The following TM9SF4 variants were observed in gnomAD, a reference collection of about 807,000 sequenced individuals.
The protein encoded by TM9SF4 is transmembrane 9 superfamily member 4.
TM9SF4 carries 26 observed loss-of-function variants against 90.4 expected under a neutral mutation model. The observed-to-expected ratio is 0.29, with a 90% confidence interval of 0.21 to 0.40. The LOEUF (loss-of-function observed/expected upper bound fraction) is 0.40, where lower values mean the gene tolerates loss of function less well. Among genes scored for constraint, TM9SF4 ranks in the 10% least tolerant of loss-of-function variants. The probability of loss-of-function intolerance (pLI) is 1.00; values close to 1 mark genes in which losing one functional copy is unlikely to be tolerated. For missense variants in TM9SF4, 549 were observed against 834.8 expected, an observed-to-expected ratio of 0.66 and a Z score of 4.22; for synonymous variants, 293 against 315.4, an observed-to-expected ratio of 0.93 and a Z score of 0.75.
intron 9 of TM9SF4, among the ~76,000 whole-genome samples, chr20:32,148,922 G>A (rs1009348524): frequency 6.6e-6 from 1 of 151,982 alleles, no homozygotes; most frequent in Non-Finnish European, 1.5e-5. Flanking sequence ...CGCCCGCCTC[G>A]GCCTCCCAAA....
chr20:32,128,064 A>G (rs1360558654), intron 1 of TM9SF4, among the ~76,000 whole-genome samples: 1 of 152,206 alleles, frequency 6.6e-6, no homozygotes, highest in African/African-American at 2.4e-5. Flanking sequence ...CTTCTACCAC[A>G]TGAATCCATC....
intron 17 of TM9SF4, 55 bp from the exon 18 acceptor site, chr20:32,165,240 C>CCA: frequency 6.2e-7 from 1 of 1,604,350 alleles, no homozygotes; most frequent in Non-Finnish European, 8.5e-7. Flanking sequence ...CCCCAGTTCG[C>CCA]CATGCAGCCT....
chr20:32,154,004 T>C (rs902186742), intron 12 of TM9SF4, among the ~76,000 whole-genome samples: 18 of 152,172 alleles, frequency 1.2e-4, no homozygotes, highest in Non-Finnish European at 1.5e-5. Flanking sequence ...AATGGTAGAC[T>C]TTCCTTCCAG....
At chr20:32,118,572 A>G (rs2046259193) in intron 1 of TM9SF4, among the ~76,000 whole-genome samples, 1 of 151,786 alleles carries the variant, frequency 6.6e-6, no homozygotes, top group South Asian at 2.1e-4. Context: ...ATTAGCTACT[A>G]TGCCCAGCCT....
At chr20:32,135,815 C>T (rs2046586967) in intron 2 of TM9SF4, among the ~76,000 whole-genome samples, 1 of 152,130 alleles carries the variant, frequency 6.6e-6, no homozygotes, top group African/African-American at 2.4e-5. Flanking sequence ...AGTGAAATTG[C>T]TGTGTCAAGG....
chr20:32,122,498 C>G (rs1258654034), intron 1 of TM9SF4, among the ~76,000 whole-genome samples: 2 of 150,236 alleles, frequency 1.3e-5, no homozygotes, highest in African/African-American at 4.9e-5. Flanking sequence ...ACGGGGCGGC[C>G]GGGCAGAGAC....
rs769776750 is a variant in TM9SF4, at chr20:32,149,687, G to A, written c.1008G>A (p.Arg336=). ...GWKLVHGDVF[R]PPQYPMILSS... ...AGTTGGTGCACGGCGACGTCTTCAG[G>A]CCCCCCCAGTACCCCATGATCCTCA... Residue 336 remains arginine, a synonymous_variant, in exon 10 of 18, where the codon AGG becomes AGA. Coordinates refer to ENST00000398022, the MANE Select transcript of TM9SF4 (RefSeq NM_014742.4). 3.1e-6 allele frequency: 5 copies of A among 1,614,074 alleles called. No homozygotes were observed. The Admixed American group carries it at 8.3e-5, about 27-fold the overall frequency.
At chr20:32,121,152 A>G (rs969002024) in intron 1 of TM9SF4, among the ~76,000 whole-genome samples, 2 of 151,858 alleles carry the variant, frequency 1.3e-5, no homozygotes, top group African/African-American at 4.8e-5. Context: ...AGACAAGTGA[A>G]AAAAGGCTAT....
chr20:32,130,721 T>G (rs2046497922), intron 1 of TM9SF4, among the ~76,000 whole-genome samples: 1 of 152,236 alleles, frequency 6.6e-6, no homozygotes, highest in South Asian at 2.1e-4. Flanking sequence ...TGTACCAGCA[T>G]AGAATGTCTC....
intron 1 of TM9SF4, chr20:32,116,300 A>C (rs748094592): frequency 4.6e-5 from 7 of 152,244 alleles, no homozygotes; most frequent in Non-Finnish European, 7.3e-5. Context: ...GCTAGCACAG[A>C]GAGGGCACTC....
Position 32,123,866 on chromosome 20 carries a change from A to ATATATATATATTTTTT in TM9SF4, c.16-9146_16-9145insATATATATATTTTTTT. ...CTCTCATATATATATATATATATATATTTTTTTTTTTAAAGAGATAGGGTC... is the reference window on the plus strand; with the variant it reads ...CTCTCATATATATATATATATATATATATATATATATTTTTTTTTTTTTTTTTAAAGAGATAGGGTC... On this transcript the variant is annotated intron_variant, in intron 1 of 17. Coordinates refer to ENST00000398022, the MANE Select transcript of TM9SF4 (RefSeq NM_014742.4). Among the ~76,000 whole-genome samples, 47 of 93,960 alleles carry ATATATATATATTTTTT rather than the reference A, an allele frequency of 5.0e-4. 2 individuals are homozygous for ATATATATATATTTTTT. The highest frequency in any genetic ancestry group is 1.9e-3 in the African/African-American group (42 of 21,986). The allele number at this position is 93,960 out of a possible 152,430, so 61.6% of individuals were successfully genotyped here.
At chr20:32,165,117 C>T (rs1474823688) in intron 17 of TM9SF4, among the ~76,000 whole-genome samples, 178 bp from the exon 18 acceptor site, 4 of 152,168 alleles carry the variant, frequency 2.6e-5, no homozygotes, top group Non-Finnish European at 5.9e-5. Context: ...CAGGCCTGGT[C>T]CAGATGAAGC....
intron 13 of TM9SF4, among the ~76,000 whole-genome samples, chr20:32,156,493 C>T (rs1455073847): frequency 6.6e-6 from 1 of 152,228 alleles, no homozygotes; most frequent in Non-Finnish European, 1.5e-5. Context: ...TGTTTACGTA[C>T]ACACATCCTG....
chr20:32,158,590 C>A, intron 15 of TM9SF4, 76 bp downstream of exon 15: 2 of 1,488,714 alleles, frequency 1.3e-6, no homozygotes, highest in Non-Finnish European at 9.3e-7. Context: ...TGCTCTGCTG[C>A]CTACTGCCTG....
At chr20:32,111,263 A>C (rs764308650) in intron 1 of TM9SF4, among the ~76,000 whole-genome samples, 1 of 152,214 alleles carries the variant, frequency 6.6e-6, no homozygotes, top group South Asian at 2.1e-4. Context: ...ATATGTATAT[A>C]TATTCTGGTA....
chr20:32,138,743 C>T (rs1569076829), intron 3 of TM9SF4, among the ~76,000 whole-genome samples: 1 of 152,218 alleles, frequency 6.6e-6, no homozygotes, highest in Non-Finnish European at 1.5e-5. Flanking sequence ...TTTTAAATAT[C>T]AAGAAGCGAT....
intron 1 of TM9SF4, among the ~76,000 whole-genome samples, chr20:32,120,483 T>G (rs1183941246): frequency 6.6e-6 from 1 of 151,726 alleles, no homozygotes; most frequent in Non-Finnish European, 1.5e-5. Flanking sequence ...GATCTTATAG[T>G]CTGACCTTGG....
In TM9SF4 at chr20:32,149,628, C is replaced by T; in HGVS notation, c.955-6C>T. 1 of 1,614,224 alleles carries T rather than the reference C, an allele frequency of 6.2e-7. No individual in the cohort carries two copies. The highest frequency in any genetic ancestry group is 8.5e-7 in the Non-Finnish European group (1 of 1,180,052). ...CAACCAGCCTCACTCTGGCCCTTCG[C>T]TGCAGGAAGACACCATGGAGGAGTC... On this transcript the variant is annotated splice_polypyrimidine_tract_variant and splice_region_variant and intron_variant, in intron 9 of 17. Transcript: ENST00000398022.
chr20:32,123,845 CAT>C (rs778502518), intron 1 of TM9SF4, among the ~76,000 whole-genome samples: 19 of 108,708 alleles, frequency 1.7e-4, no homozygotes, highest in Non-Finnish European at 2.5e-4. Context: ...TTCTCTCTCT[CAT>C]ATATATATAT....
Sources: gnomAD v4.1 joint callset for allele counts (sites outside exome capture counted in the v4.1 genomes callset) on GRCh38, gnomAD v4.1.1 for gene constraint, MANE v1.5 for transcripts, NCBI Gene and HGNC (gene_info 2026-07-23, HGNC 2026-07-21) for gene names.